RUFY4: variants seen among roughly 807,000 people sequenced by gnomAD.
The protein encoded by RUFY4 is RUN and FYVE domain containing 4, also known as RUN and FYVE domain-containing protein 4.
Under a neutral mutation model 69.0 loss-of-function variants are expected in RUFY4, and 73 were observed. The ratio of observed to expected loss-of-function variants is 1.06; its 90% CI spans 0.88 to 1.29. RUFY4 has a LOEUF of 1.29. Among genes scored for constraint, RUFY4 ranks in the 50% most tolerant of loss-of-function variants. The probability of loss-of-function intolerance (pLI) is 0.00; values close to 1 mark genes in which losing one functional copy is unlikely to be tolerated. For synonymous variants in RUFY4, 287 were observed against 271.8 expected (o/e 1.06, Z -0.55); for missense variants, 770 against 705.6 (o/e 1.09, Z -1.03).
chr2:218,085,401 G>A (rs78810874), intron 9 of RUFY4, among the ~76,000 whole-genome samples: 4,133 of 152,254 alleles, frequency 0.027, 198 homozygotes, highest in African/African-American at 0.093. Context: ...TGACTTCTGC[G>A]TCGGGATGGT....
upstream of RUFY4, among the ~76,000 whole-genome samples, chr2:218,069,861 C>T (rs574035694): frequency 1.6e-3 from 239 of 152,266 alleles, 7 homozygotes; most frequent in South Asian, 0.045. Flanking sequence ...GTGTCCCTCT[C>T]TGGGCCCCAG....
intron 2 of RUFY4, among the ~76,000 whole-genome samples, chr2:218,046,716 A>C (rs898822617): frequency 6.6e-6 from 1 of 152,238 alleles, no homozygotes; most frequent in Non-Finnish European, 1.5e-5. Context: ...TCAATGACAA[A>C]TATAACTTAG....
At chr2:218,075,267 C>T (rs944551622) in exon 7 of RUFY4, 2 of 1,587,936 alleles carry the variant, frequency 1.3e-6, no homozygotes, top group African/African-American at 2.7e-5. Flanking sequence ...TTCCAGGAAA[C>T]ATAGGTACCC....
At chr2:218,086,047 G>A (rs1026140331) in intron 9 of RUFY4, among the ~76,000 whole-genome samples, 12 of 152,122 alleles carry the variant, frequency 7.9e-5, no homozygotes, top group Non-Finnish European at 1.8e-4. Context: ...AAAAGCAGCT[G>A]TCAAAAGATG....
chr2:218,055,406 A>G (rs1398910423), intron 2 of RUFY4, among the ~76,000 whole-genome samples: 1 of 152,198 alleles, frequency 6.6e-6, no homozygotes, highest in African/African-American at 2.4e-5. Context: ...AAAAAAAAAA[A>G]AAAATACAAT....
chr2:218,045,036 G>A (rs1006809835), intron 2 of RUFY4, among the ~76,000 whole-genome samples: 1 of 152,126 alleles, frequency 6.6e-6, no homozygotes, highest in African/African-American at 2.4e-5. Flanking sequence ...CTTCCACATT[G>A]GTTGAACTAA....
In RUFY4 at chr2:218,075,157, T is replaced by C. The variant is rs547192090; in HGVS notation, c.665T>C (p.Ile222Thr). ...GAGGACTCACACACCAGTCAAGCCATCTGTCTGCAAGATGCACCCAGTGGA... is the reference window on the plus strand; with the variant it reads ...GAGGACTCACACACCAGTCAAGCCACCTGTCTGCAAGATGCACCCAGTGGA... The change falls in exon 7 of 11, where the codon ATC (isoleucine) becomes ACC (threonine). Residue 222 changes from isoleucine to threonine, a missense_variant. Physicochemically the swap from Ile to Thr is moderately conservative, Grantham distance 89. Transcript: ENST00000344321. The C allele has an allele frequency of 1.2e-5, 19 of 1,555,532 alleles. No individual in the cohort carries two copies. The South Asian group carries it at 1.9e-4, about 16-fold the overall frequency.
chr2:218,038,110 T>C (rs897393531), intron 2 of RUFY4, among the ~76,000 whole-genome samples: 1 of 152,246 alleles, frequency 6.6e-6, no homozygotes, highest in East Asian at 1.9e-4. Context: ...CTTAGAGTTA[T>C]GGAAATTCTT....
chr2:218,057,908 T>C (rs1400708239), intron 2 of RUFY4, among the ~76,000 whole-genome samples: 1 of 152,258 alleles, frequency 6.6e-6, no homozygotes, highest in African/African-American at 2.4e-5. Context: ...ATGAATTCCC[T>C]ATTGATAAAC....
At chr2:218,052,946 A>C (rs991530237) in intron 2 of RUFY4, among the ~76,000 whole-genome samples, 1 of 151,606 alleles carries the variant, frequency 6.6e-6, no homozygotes, top group Non-Finnish European at 1.5e-5. Flanking sequence ...ATTTGATTCC[A>C]CTTATTATTA....
At chr2:218,082,984 G>A (rs1689801700) in intron 8 of RUFY4, 126 bp from the exon 11 acceptor site, 5 of 870,736 alleles carry the variant, frequency 5.7e-6, no homozygotes, top group Non-Finnish European at 8.0e-6. Flanking sequence ...TGTGTGTGTG[G>A]ACTTCAGCTG....
upstream of RUFY4, among the ~76,000 whole-genome samples, chr2:218,070,092 G>T (rs1043566387): frequency 1.3e-5 from 2 of 152,140 alleles, no homozygotes; most frequent in Admixed American, 6.5e-5. Context: ...CCCAGGCAAG[G>T]CTAGGGGCAC....
At chr2:218,073,997 A>C in intron 6 of RUFY4, 112 bp downstream of exon 8, 1 of 1,037,440 alleles carries the variant, frequency 9.6e-7, no homozygotes, top group Non-Finnish European at 1.5e-6. Context: ...CCCTGACCCT[A>C]CAGGACAGAC....
At chr2:218,068,504 G>A (rs1223440391), upstream of RUFY4, 1 of 153,114 alleles carries the variant, frequency 6.5e-6, no homozygotes, top group African/African-American at 2.4e-5. Flanking sequence ...GACGGGCTGG[G>A]GCATCCCTTG....
chr2:218,078,810 T>C (rs999204717), intron 8 of RUFY4, among the ~76,000 whole-genome samples: 10 of 152,196 alleles, frequency 6.6e-5, no homozygotes, highest in African/African-American at 2.4e-4. Flanking sequence ...CCACTTTCTC[T>C]ATAGATCAGC....
chr2:218,078,945 G>A (rs1476711805), intron 8 of RUFY4, among the ~76,000 whole-genome samples: 3 of 152,258 alleles, frequency 2.0e-5, no homozygotes, highest in East Asian at 3.9e-4. Context: ...TCGGCTCACC[G>A]CAACCTCCGC....
chr2:218,070,739 C>T lies in RUFY4; in HGVS notation c.47-14C>T. 1 of 1,536,396 alleles carries T rather than the reference C, an allele frequency of 6.5e-7. No individual in the cohort carries two copies. The highest frequency in any genetic ancestry group is 1.4e-5 in the African/African-American group (1 of 73,146). ...CCTCCCTCAGCGACCTGACATCTGCCATCCTCCCAGCAGCTGCCGTCTCTG... is the reference window on the plus strand; with the variant it reads ...CCTCCCTCAGCGACCTGACATCTGCTATCCTCCCAGCAGCTGCCGTCTCTG... On this transcript the variant is annotated splice_polypyrimidine_tract_variant and intron_variant, in intron 1 of 10. Transcript: ENST00000344321.
chr2:218,040,671 C>G (rs778989331), intron 2 of RUFY4, among the ~76,000 whole-genome samples: 2 of 152,038 alleles, frequency 1.3e-5, no homozygotes, highest in Non-Finnish European at 2.9e-5. Context: ...AAGAGGCTGA[C>G]AGTTTTCCAA....
intron 2 of RUFY4, among the ~76,000 whole-genome samples, chr2:218,043,331 C>T (rs1247684821): frequency 6.6e-6 from 1 of 152,114 alleles, no homozygotes; most frequent in Non-Finnish European, 1.5e-5. Context: ...CTCCTCTCTG[C>T]AGCTGGTCAT....
Sources: allele counts gnomAD v4.1 joint callset (sites outside exome capture counted in the v4.1 genomes callset), GRCh38; gene constraint gnomAD v4.1.1; transcripts MANE v1.5; gene names NCBI Gene and HGNC (gene_info 2026-07-23, HGNC 2026-07-21).